MLLT10: variants seen among roughly 807,000 people sequenced by gnomAD.
MLLT10 encodes protein AF-10.
MLLT10 carries 30 observed loss-of-function variants against 129.1 expected under a neutral mutation model. The ratio of observed to expected loss-of-function variants is 0.23; its 90% CI spans 0.17 to 0.32. The LOEUF is 0.32. Among genes scored for constraint, MLLT10 ranks in the 10% least tolerant of loss-of-function variants. The pLI is 1.00. For synonymous variants in MLLT10, 490 were observed against 446.4 expected (o/e 1.10, Z -1.23); for missense variants, 1,119 against 1,268.3 (o/e 0.88, Z 1.79).
At chr10:21,704,789 C>T (rs891979893) in intron 13 of MLLT10, among the ~76,000 whole-genome samples, 1 of 151,946 alleles carries the variant, frequency 6.6e-6, no homozygotes, top group Non-Finnish European at 1.5e-5. Flanking sequence ...TGGATGTGTG[C>T]AGTCATGTAA....
chr10:21,717,115 C>T (rs192202230), intron 14 of MLLT10, among the ~76,000 whole-genome samples: 1,528 of 150,030 alleles, frequency 0.01, 35 homozygotes, highest in African/African-American at 0.036. Context: ...TAGCCGGGCG[C>T]GGTGGTGCAT....
intron 3 of MLLT10, among the ~76,000 whole-genome samples, chr10:21,579,032 G>T (rs1200295135): frequency 6.6e-6 from 1 of 152,126 alleles, no homozygotes; most frequent in Non-Finnish European, 1.5e-5. Flanking sequence ...AGCCTTTCTT[G>T]CAGGGCATAT....
chr10:21,666,965 A>G (rs567000095), intron 9 of MLLT10, among the ~76,000 whole-genome samples: 1 of 152,114 alleles, frequency 6.6e-6, no homozygotes, highest in Admixed American at 6.5e-5. Context: ...CATTTCATTT[A>G]TTATTTGTCT....
intron 3 of MLLT10, among the ~76,000 whole-genome samples, chr10:21,559,928 A>G (rs1475161503): frequency 6.6e-6 from 1 of 151,154 alleles, no homozygotes; most frequent in Non-Finnish European, 1.5e-5. Flanking sequence ...GTATTCTAGC[A>G]TCTGTTTGAA....
At chr10:21,670,730 A>G in intron 10 of MLLT10, 26 bp downstream of exon 10, 8 of 1,593,240 alleles carry the variant, frequency 5.0e-6, no homozygotes, top group Non-Finnish European at 6.8e-6. Context: ...TAGTTAAAAT[A>G]CTTGTGTTTA....
chr10:21,736,626 A>T (rs1293504127), intron 21 of MLLT10, among the ~76,000 whole-genome samples: 1 of 152,248 alleles, frequency 6.6e-6, no homozygotes, highest in African/African-American at 2.4e-5. Context: ...TGCTGGACAT[A>T]CAAGAGAAAG....
chr10:21,645,496 A>T (rs894088341), intron 8 of MLLT10, among the ~76,000 whole-genome samples: 15 of 152,226 alleles, frequency 9.9e-5, no homozygotes, highest in African/African-American at 3.4e-4. Flanking sequence ...GAATTGAGTC[A>T]TATTAAAATA....
intron 4 of MLLT10, among the ~76,000 whole-genome samples, chr10:21,588,940 C>T (rs547259720): frequency 6.6e-6 from 1 of 151,830 alleles, no homozygotes; most frequent in East Asian, 1.9e-4. Context: ...TCTCCTGCCT[C>T]ACTCACCCGA....
intron 3 of MLLT10, among the ~76,000 whole-genome samples, chr10:21,539,613 A>T (rs536042592): frequency 6.0e-4 from 91 of 151,912 alleles, no homozygotes; most frequent in Non-Finnish European, 4.6e-4. Flanking sequence ...CTCTACTACA[A>T]ATACAAAAAT....
intron 14 of MLLT10, among the ~76,000 whole-genome samples, chr10:21,716,982 C>T (rs921497382): frequency 2.0e-5 from 3 of 151,790 alleles, no homozygotes; most frequent in African/African-American, 4.8e-5. Context: ...CTGGGCCGGG[C>T]GCAGTGGCTC....
intron 3 of MLLT10, among the ~76,000 whole-genome samples, chr10:21,564,108 G>A (rs1035383803): frequency 2.0e-5 from 3 of 152,036 alleles, no homozygotes; most frequent in Non-Finnish European, 2.9e-5. Flanking sequence ...CACCGTGCCC[G>A]GCCTATTATT....
chr10:21,697,541 G>C (rs2054497606), intron 13 of MLLT10, among the ~76,000 whole-genome samples: 1 of 152,120 alleles, frequency 6.6e-6, no homozygotes, highest in Admixed American at 6.6e-5. Context: ...AAAAATGATT[G>C]TGTTCAATTG....
chr10:21,606,262 G>A (rs544812295), intron 5 of MLLT10, among the ~76,000 whole-genome samples: 1 of 152,236 alleles, frequency 6.6e-6, no homozygotes, highest in Admixed American at 6.5e-5. Flanking sequence ...CTTTGACAAG[G>A]TACATAGTCA....
intron 13 of MLLT10, among the ~76,000 whole-genome samples, chr10:21,686,191 C>T (rs1447505988): frequency 1.3e-5 from 2 of 152,062 alleles, no homozygotes; most frequent in African/African-American, 2.4e-5. Context: ...TCCAGGGCAC[C>T]ACCACAAAAC....
At chr10:21,650,227 T>C (rs1458345679) in intron 8 of MLLT10, among the ~76,000 whole-genome samples, 1 of 152,118 alleles carries the variant, frequency 6.6e-6, no homozygotes, top group Admixed American at 6.5e-5. Context: ...GGCATGTGCC[T>C]ATAGTCCTGA....
At chr10:21,537,432 G>A (rs2034247005) in intron 2 of MLLT10, among the ~76,000 whole-genome samples, 1 of 151,966 alleles carries the variant, frequency 6.6e-6, no homozygotes, top group Non-Finnish European at 1.5e-5. Context: ...TGAGTAGCTG[G>A]GACTACAGGC....
intron 3 of MLLT10, among the ~76,000 whole-genome samples, chr10:21,558,722 T>C (rs1251792669): frequency 2.0e-5 from 3 of 152,108 alleles, no homozygotes; most frequent in Non-Finnish European, 4.4e-5. Context: ...AAATTTTAAG[T>C]AGAGACATCT....
At chr10:21,554,689 T>A (rs980185040) in intron 3 of MLLT10, among the ~76,000 whole-genome samples, 1 of 151,800 alleles carries the variant, frequency 6.6e-6, no homozygotes, top group Non-Finnish European at 1.5e-5. Context: ...CTCGATCTCC[T>A]GACCTCGTGA....
chr10:21,603,278 G>C (rs1375988550), intron 5 of MLLT10, among the ~76,000 whole-genome samples: 3 of 150,048 alleles, frequency 2.0e-5, no homozygotes, highest in Non-Finnish European at 4.4e-5. Flanking sequence ...TGTTGGCCAG[G>C]CTGGTCTCAA....
Sources: gnomAD v4.1 joint callset for allele counts (sites outside exome capture counted in the v4.1 genomes callset) on GRCh38, gnomAD v4.1.1 for gene constraint, MANE v1.5 for transcripts, NCBI Gene and HGNC (gene_info 2026-07-23, HGNC 2026-07-21) for gene names.